Variants in NASP observed in about 807,000 individuals in gnomAD.
The protein encoded by NASP is nuclear autoantigenic sperm protein.
In NASP, 24 loss-of-function variants were observed where a neutral mutation model predicts 89.5. The observed-to-expected ratio is 0.27, with a 90% confidence interval of 0.19 to 0.38. The LOEUF is 0.38. Ranked by LOEUF, NASP falls within the 10% of genes least tolerant of loss-of-function variation. The pLI is 1.00. For missense variants in NASP, 848 were observed against 921.4 expected (o/e 0.92, Z 1.03); for synonymous variants, 306 against 324.7 (o/e 0.94, Z 0.62).
chr1:45,607,344 G>C lies in NASP; in HGVS notation c.433G>C (p.Glu145Gln). The change falls in exon 6 of 15, where the codon GAA becomes CAA. Residue 145 changes from glutamate to glutamine, a missense_variant. Transcript: ENST00000350030. ...AGAGGAAGCAAGGGAAGAGTTGAGA[G>C]AACAGGTTTATGACGCCATGGGAGA... ...IDEEAREELR[E>Q]QVYDAMGEKE... The C allele has an allele frequency of 6.2e-7, 1 of 1,614,050 alleles. No homozygotes were observed. Among genetic ancestry groups the C allele is most frequent in the Non-Finnish European group, 8.5e-7 (1 of 1,179,960 alleles).
intron 3 of NASP, among the ~76,000 whole-genome samples, chr1:45,603,211 GA>G (rs553412372): frequency 6.6e-6 from 1 of 151,898 alleles, no homozygotes; most frequent in East Asian, 1.9e-4. Context: ...TTATCTGAGA[GA>G]AAAAAAAGCA....
intron 2 of NASP, among the ~76,000 whole-genome samples, chr1:45,597,311 T>TTTC (rs1379418099): frequency 6.7e-6 from 1 of 150,336 alleles, no homozygotes; most frequent in Non-Finnish European, 1.5e-5. Flanking sequence ...TTTTTTTTTT[T>TTTC]TTTTTTTTTT....
rs113075960 is a variant in NASP, at chr1:45,586,480, T to G, written c.59+2275T>G. Among the ~76,000 whole-genome samples, 137 of 151,822 alleles carry G rather than the reference T, an allele frequency of 9.0e-4. 2 individuals are homozygous for G. Among genetic ancestry groups the G allele is most frequent in the Admixed American group, 5.5e-3 (84 of 15,222 alleles). The stretch of plus-strand genomic sequence containing the variant: ...CTAGTATTTATTTTGTAAAGACGAG[T>G]TTTTGCCATGTTGCCCAGGCTGGTC... On this transcript the variant is annotated intron_variant, in intron 1 of 14. Coordinates refer to ENST00000350030, the MANE Select transcript of NASP (RefSeq NM_002482.4).
intron 1 of NASP, among the ~76,000 whole-genome samples, chr1:45,585,381 G>A (rs72688441): frequency 0.041 from 6,273 of 151,946 alleles, 206 homozygotes; most frequent in Non-Finnish European, 0.055. Context: ...TTATGTCTTT[G>A]TTTGTTTATA....
At chr1:45,585,235 A>G (rs1297376900) in intron 1 of NASP, among the ~76,000 whole-genome samples, 2 of 152,126 alleles carry the variant, frequency 1.3e-5, no homozygotes, top group African/African-American at 2.4e-5. Flanking sequence ...CAATCTTGCC[A>G]TATTTTTTTA....
rs1553169255 is a variant in NASP at position 45,587,671 on chromosome 1, T to TATATATATATATATAC, written c.59+3481_59+3482insCATATATATATATATA. Among the ~76,000 whole-genome samples the TATATATATATATATAC allele has an allele frequency of 2.8e-3, 191 of 68,898 alleles. 10 individuals carry two copies. Among genetic ancestry groups the TATATATATATATATAC allele is most frequent in the African/African-American group, 0.011 (183 of 17,396 alleles). 45.2% of individuals were successfully genotyped at this position (68,898 alleles called of 152,430 possible). A position where few individuals can be genotyped will look rare whatever the true frequency, so the allele number is the denominator to read the frequency against. Reference sequence around the variant, plus strand: ...TGTCTTGAGTTTTTTCATATATATATATATATATATATATATAATTAATTT... The same window carrying TATATATATATATATAC: ...TGTCTTGAGTTTTTTCATATATATATATATATATATATATACATATATATATATATATAATTAATTT... On this transcript the variant is annotated intron_variant, in intron 1 of 14. Transcript: ENST00000350030.
At chr1:45,596,191 C>G (rs893743713) in intron 2 of NASP, among the ~76,000 whole-genome samples, 1 of 152,136 alleles carries the variant, frequency 6.6e-6, no homozygotes. Context: ...CTGACAGTAT[C>G]CTAATACTTT....
At chr1:45,593,945 C>T (rs566353167) in intron 2 of NASP, among the ~76,000 whole-genome samples, 2 of 151,398 alleles carry the variant, frequency 1.3e-5, no homozygotes, top group East Asian at 1.9e-4. Flanking sequence ...AGGAGGATTG[C>T]GGAAGCCCAG....
rs200936475 is a variant in NASP at position 45,607,946 on chromosome 1, A to G, written c.1035A>G (p.Pro345=). 989 of 1,437,402 alleles carry G rather than the reference A, an allele frequency of 6.9e-4. No homozygotes were observed. The highest frequency in any genetic ancestry group is 8.8e-4 in the Non-Finnish European group (901 of 1,018,800). 89.0% of individuals were successfully genotyped at this position (1,437,402 alleles called of 1,614,324 possible). A position where few individuals can be genotyped will look rare whatever the true frequency, so the allele number is the denominator to read the frequency against. The part of the protein sequence containing the change: ...GQEVPPAEES[P]EVTTEAAEAS... ...AAGTACCACCTGCTGAAGAGTCACC[A>G]GAGGTGACAACAGAGGCTGCAGAGG... The change falls in exon 6 of 15, where the codon CCA becomes CCG. Residue 345 remains proline (P), a synonymous_variant. Transcript: ENST00000350030.
intron 2 of NASP, among the ~76,000 whole-genome samples, chr1:45,596,937 C>T (rs374922218): frequency 1.3e-5 from 2 of 151,784 alleles, no homozygotes; most frequent in African/African-American, 2.4e-5. Context: ...GAGCTGAGAT[C>T]GCACTACTGC....
In NASP at chr1:45,607,862, G is replaced by C. The variant is rs760367383; in HGVS notation, c.951G>C (p.Lys317Asn). The C allele has an allele frequency of 3.1e-6, 5 of 1,614,012 alleles. No individual in the cohort carries two copies. In the Admixed American group the frequency reaches 5.0e-5, roughly 16 times the overall value. The change falls in exon 6 of 15, where the codon AAG (lysine) becomes AAC (asparagine). Residue 317 changes from lysine to asparagine, a missense_variant. Coordinates refer to ENST00000350030, the MANE Select transcript of NASP (RefSeq NM_002482.4). ...TGGGTGGGGACGAGCCAGAGGAGAA[G>C]GTAGTTACCTCTGAAAACGAGGCAG... ...VDVGGDEPEE[K>N]VVTSENEAGK...
intron 6 of NASP, chr1:45,612,784 A>T (rs1378241002): frequency 6.2e-6 from 1 of 160,440 alleles, no homozygotes. Flanking sequence ...GTATTATCTA[A>T]TGAGTGGCTT....
intron 2 of NASP, among the ~76,000 whole-genome samples, chr1:45,592,565 A>G (rs1380969965): frequency 1.3e-5 from 2 of 152,110 alleles, no homozygotes; most frequent in Non-Finnish European, 2.9e-5. Flanking sequence ...CCCAGGCTGG[A>G]GTGCAATGGC....
At chr1:45,609,712 T>C (rs1425096022) in intron 6 of NASP, 1 of 152,180 alleles carries the variant, frequency 6.6e-6, no homozygotes, top group Non-Finnish European at 1.5e-5. Context: ...TTACATCTGA[T>C]CCTAAAACAA....
intron 2 of NASP, chr1:45,594,679 G>T (rs754738640): frequency 5.3e-5 from 24 of 453,782 alleles, no homozygotes; most frequent in South Asian, 1.7e-4. Flanking sequence ...GCTAATTTTT[G>T]TATTTTGTTT....
At position 45,607,728 on chromosome 1, in the gene NASP, A is replaced by G. The variant is rs1643932834; in HGVS notation, c.817A>G (p.Lys273Glu). Residue 273 changes from lysine (K) to glutamate (E), a missense_variant, in exon 6 of 15, where the codon AAG (lysine) becomes GAG (glutamate). Lys to Glu is a moderately conservative substitution (Grantham distance 56, BLOSUM62 1). Coordinates refer to ENST00000350030, the MANE Select transcript of NASP (RefSeq NM_002482.4). ...AGAGGTAATTGTGAGCATAGAGGAG[A>G]AGCCAAAAGAAGTTTCAGAAGAGCA... The part of the protein sequence containing the change: ...QGEVIVSIEE[K>E]PKEVSEEQPV... The G allele has an allele frequency of 1.2e-6, 2 of 1,614,002 alleles. No individual in the cohort carries two copies. The highest frequency in any genetic ancestry group is 1.3e-5 in the African/African-American group (1 of 74,918).
At chr1:45,615,224 A>C in intron 10 of NASP, 23 bp downstream of exon 10, 1 of 1,612,996 alleles carries the variant, frequency 6.2e-7, no homozygotes, top group Non-Finnish European at 8.5e-7. Flanking sequence ...GAGCTGCTTC[A>C]TGGTGATGTT....
intron 11 of NASP, among the ~76,000 whole-genome samples, chr1:45,615,931 G>C (rs950197224): frequency 7.2e-5 from 11 of 152,178 alleles, no homozygotes; most frequent in African/African-American, 2.7e-4. Context: ...TGCCCGACCT[G>C]TAGTACATAT....
rs1370146800 is a variant in NASP, at chr1:45,584,044, T to C, written c.-103T>C. ...AAGGGCCCCGGCCGCGCGGGGTCTC[T>C]AATCTGCCATTTTCTGTCCCTGAGT... On this transcript the variant is annotated 5_prime_UTR_variant, in exon 1 of 15. Transcript: ENST00000350030. 2.6e-6 allele frequency: 3 copies of C among 1,132,176 alleles called. No individual in the cohort carries two copies. Among genetic ancestry groups the C allele is most frequent in the African/African-American group, 1.6e-5 (1 of 64,052 alleles). 70.1% of individuals were successfully genotyped at this position (1,132,176 alleles called of 1,614,324 possible).
Sources: gnomAD v4.1 joint callset for allele counts (sites outside exome capture counted in the v4.1 genomes callset) on GRCh38, gnomAD v4.1.1 for gene constraint, MANE v1.5 for transcripts, NCBI Gene and HGNC (gene_info 2026-07-23, HGNC 2026-07-21) for gene names.